The following EIF3B variants were observed in gnomAD, a reference collection of about 807,000 sequenced individuals.
EIF3B encodes the protein eukaryotic translation initiation factor 3 subunit B, also known as eukaryotic translation initiation factor 3 subunit 9.
A neutral mutation model predicts 104.6 loss-of-function variants in EIF3B; 10 were observed. That is an observed-to-expected ratio of 0.10 (90% CI 0.06 to 0.16). The LOEUF is 0.16. Among genes scored for constraint, EIF3B ranks in the 10% least tolerant of loss-of-function variants. EIF3B has a pLI of 1.00. For synonymous variants in EIF3B, 542 were observed against 417.2 expected (o/e 1.30, Z -3.65); for missense variants, 1,014 against 1,087.9 (o/e 0.93, Z 0.96).
upstream of EIF3B, chr7:2,354,789 G>C: frequency 1.3e-6 from 1 of 779,882 alleles, no homozygotes. Flanking sequence ...TGCGCCCCCC[G>C]CCCCGCGGCC....
intron 1 of EIF3B, among the ~76,000 whole-genome samples, chr7:2,359,708 G>A (rs569669060): frequency 2.0e-5 from 3 of 152,200 alleles, no homozygotes; most frequent in African/African-American, 7.2e-5. Flanking sequence ...CACTACTTGC[G>A]ACTGCCATCT....
chr7:2,379,666 TAG>T (rs761102772), intron 18 of EIF3B, 155 bp downstream of exon 18: 89 of 622,592 alleles, frequency 1.4e-4, no homozygotes, highest in Middle Eastern at 6.9e-4. Context: ...GTGTGAAATG[TAG>T]AGTCGGTGCC....
chr7:2,357,444 T>C (rs1205425701), intron 1 of EIF3B, among the ~76,000 whole-genome samples: 1 of 152,186 alleles, frequency 6.6e-6, no homozygotes, highest in Non-Finnish European at 1.5e-5. Context: ...AGACCGTAGG[T>C]GACTGTATCA....
At chr7:2,366,838 T>C (rs1357523053) in intron 8 of EIF3B, 161 bp from the exon 9 acceptor site, 7 of 849,504 alleles carry the variant, frequency 8.2e-6, no homozygotes, top group African/African-American at 6.8e-5. Context: ...ACTGCAGTTC[T>C]GGGTGGCGGG....
intron 12 of EIF3B, 115 bp from the exon 13 acceptor site, chr7:2,374,413 C>A: frequency 1.1e-6 from 1 of 888,680 alleles, no homozygotes; most frequent in Non-Finnish European, 1.8e-6. Context: ...GGTGGTCCAG[C>A]ATTACCAGCT....
intron 12 of EIF3B, 187 bp from the exon 13 acceptor site, chr7:2,374,341 T>G: frequency 1.9e-6 from 1 of 529,042 alleles, no homozygotes; most frequent in Non-Finnish European, 3.4e-6. Flanking sequence ...TTTTTCCCAT[T>G]TAAAGTATGG....
intron 9 of EIF3B, among the ~76,000 whole-genome samples, chr7:2,368,898 A>G (rs1780171003): frequency 6.6e-6 from 1 of 152,234 alleles, no homozygotes. Context: ...ATAAAATGAA[A>G]AGACCAGGAC....
intron 10 of EIF3B, among the ~76,000 whole-genome samples, chr7:2,370,651 C>G (rs1780282872): frequency 6.6e-6 from 1 of 152,166 alleles, no homozygotes; most frequent in South Asian, 2.1e-4. Flanking sequence ...CACCACCACT[C>G]ATTTCAGAAC....
chr7:2,379,191 G>A lies in EIF3B; in HGVS notation c.2290G>A (p.Ala764Thr). Reference protein sequence around the residue: ...MEDFRKYRKMAQELYMEQKNE... With the variant: ...MEDFRKYRKMTQELYMEQKNE... ...AGATTTCCGGAAGTACCGGAAAATG[G>A]CCCAGGAGCTCTATATGGAGCAGAA... Residue 764 changes from alanine (A) to threonine (T), a missense_variant, in exon 17 of 19, where the codon GCC (alanine) becomes ACC (threonine). By Grantham distance (58) the Ala-to-Thr change is moderately conservative. Transcript: ENST00000360876. 1 of 1,613,952 alleles carries A rather than the reference G, an allele frequency of 6.2e-7. No individual in the cohort carries two copies. Among genetic ancestry groups the A allele is most frequent in the South Asian group, 1.1e-5 (1 of 91,054 alleles).
chr7:2,365,307 C>A (rs1309110885), intron 6 of EIF3B, among the ~76,000 whole-genome samples: 16 of 151,926 alleles, frequency 1.1e-4, no homozygotes, highest in Admixed American at 9.2e-4. Context: ...GGGAAAGGGG[C>A]GGTTGTGGGA....
chr7:2,361,188 T>C (rs779588038), intron 2 of EIF3B, among the ~76,000 whole-genome samples: 3 of 152,176 alleles, frequency 2.0e-5, no homozygotes, highest in Non-Finnish European at 4.4e-5. Flanking sequence ...GGCCAGGAGT[T>C]GGAGGCTGCA....
intron 9 of EIF3B, among the ~76,000 whole-genome samples, chr7:2,367,824 A>ATTTTTTTTTTTT (rs1562484073): frequency 2.8e-4 from 28 of 101,740 alleles, no homozygotes; most frequent in African/African-American, 9.9e-4. Flanking sequence ...CTTTTTTTAA[A>ATTTTTTTTTTTT]ATTTTTTTTT....
chr7:2,376,851 CGT>C (rs1030877886), intron 14 of EIF3B, 97 bp from the exon 15 acceptor site: 2 of 1,505,626 alleles, frequency 1.3e-6, no homozygotes, highest in Admixed American at 3.9e-5. Context: ...TTGCTTCACA[CGT>C]GTCCCCGATA....
At chr7:2,367,120 C>T in intron 9 of EIF3B, 75 bp downstream of exon 9, 1 of 922,942 alleles carries the variant, frequency 1.1e-6, no homozygotes, top group Non-Finnish European at 1.6e-6. Context: ...AAAAAAAAAA[C>T]ACAATACCAT....
rs1484919911 is a variant in EIF3B at position 2,379,218 on chromosome 7, A to T, written c.2317A>T (p.Asn773Tyr). The change falls in exon 17 of 19, where the codon AAC (asparagine) becomes TAC (tyrosine). Residue 773 changes from asparagine (N) to tyrosine (Y), a missense_variant. Coordinates refer to ENST00000360876, the MANE Select transcript of EIF3B (RefSeq NM_001037283.2). ...CCAGGAGCTCTATATGGAGCAGAAA[A>T]ACGAGCGCCTGGAGTTGCGAGGAGG... ...MAQELYMEQK[N>Y]ERLELRGGVD... is the part of the protein sequence containing the mutation. 6.2e-7 allele frequency: 1 copy of T among 1,613,202 alleles called. No homozygotes were observed. Among genetic ancestry groups the T allele is most frequent in the East Asian group, 2.2e-5 (1 of 44,878 alleles).
chr7:2,379,788 G>A (rs1033785514), intron 18 of EIF3B: 32 of 440,734 alleles, frequency 7.3e-5, no homozygotes, highest in Admixed American at 1.2e-4. Flanking sequence ...GGAAGAGGAG[G>A]GTGGCCATGC....
intron 10 of EIF3B, among the ~76,000 whole-genome samples, 159 bp downstream of exon 10, chr7:2,369,841 A>G (rs565759457): frequency 4.9e-5 from 6 of 123,274 alleles, no homozygotes; most frequent in African/African-American, 2.0e-4. Flanking sequence ...CAGGAGTGCG[A>G]TTTCGGCTCA....
intron 9 of EIF3B, among the ~76,000 whole-genome samples, chr7:2,369,190 A>G (rs1358830752): frequency 6.6e-6 from 1 of 152,222 alleles, no homozygotes. Context: ...GACGGAGCCC[A>G]GGCTGGAGTC....
At chr7:2,358,616 T>G (rs1157728887) in intron 1 of EIF3B, among the ~76,000 whole-genome samples, 1 of 152,186 alleles carries the variant, frequency 6.6e-6, no homozygotes, top group Non-Finnish European at 1.5e-5. Flanking sequence ...AACCTCCATC[T>G]CCTGGGTTCA....
Sources: allele counts gnomAD v4.1 joint callset (sites outside exome capture counted in the v4.1 genomes callset), GRCh38; gene constraint gnomAD v4.1.1; transcripts MANE v1.5; gene names NCBI Gene and HGNC (gene_info 2026-07-23, HGNC 2026-07-21).